The following NELL1 variants were observed in gnomAD, a reference collection of about 807,000 sequenced individuals.
The protein encoded by NELL1 is neural EGFL like 1, also known as protein kinase C-binding protein NELL1.
Under a neutral mutation model 107.4 loss-of-function variants are expected in NELL1, and 76 were observed. The ratio of observed to expected loss-of-function variants is 0.71; its 90% confidence interval spans 0.59 to 0.86. The LOEUF is 0.86. Among genes scored for constraint, NELL1 ranks in the 40% least tolerant of loss-of-function variants. The pLI, the probability that NELL1 is intolerant of heterozygous loss-of-function variation, is 0.00. For synonymous variants in NELL1, 353 were observed against 341.2 expected (o/e 1.03, Z -0.38); for missense variants, 1,024 against 1,005.5 (o/e 1.02, Z -0.25).
At chr11:20,945,913 T>G (rs1192892625) in intron 10 of NELL1, among the ~76,000 whole-genome samples, 2 of 152,138 alleles carry the variant, frequency 1.3e-5, no homozygotes, top group Non-Finnish European at 2.9e-5. Flanking sequence ...CAGGAGAAAG[T>G]TAAGAGTTAC....
At chr11:20,985,541 AG>A (rs1181536000) in intron 12 of NELL1, among the ~76,000 whole-genome samples, 1 of 152,184 alleles carries the variant, frequency 6.6e-6, no homozygotes, top group Non-Finnish European at 1.5e-5. Flanking sequence ...CAATGTGCAG[AG>A]TTGGGTATGG....
intron 12 of NELL1, among the ~76,000 whole-genome samples, chr11:21,080,583 T>A (rs890248235): frequency 4.6e-5 from 7 of 152,094 alleles, no homozygotes; most frequent in African/African-American, 1.7e-4. Flanking sequence ...AACAGATCAC[T>A]ATTGGTGAAT....
chr11:21,574,884 C>A, intron 19 of NELL1, 88 bp from the exon 20 acceptor site: 2 of 1,103,510 alleles, frequency 1.8e-6, no homozygotes, highest in Non-Finnish European at 1.4e-6. Flanking sequence ...TCTCAAAATG[C>A]TGAAAGTTGT....
intron 2 of NELL1, among the ~76,000 whole-genome samples, chr11:20,720,104 G>C (rs1262681180): frequency 3.9e-5 from 6 of 152,106 alleles, no homozygotes; most frequent in Non-Finnish European, 8.8e-5. Flanking sequence ...TTTATTGCTG[G>C]AGATGAGAAA....
intron 13 of NELL1, among the ~76,000 whole-genome samples, chr11:21,217,812 A>G (rs1857654406): frequency 6.6e-6 from 1 of 152,186 alleles, no homozygotes. Context: ...TAGCCACAGT[A>G]GAAATGTTTG....
rs548174465 is a variant in NELL1, at chr11:21,035,720, G to A, written c.1300+75160G>A. Among the ~76,000 whole-genome samples the A allele has an allele frequency of 3.4e-4, 52 of 152,160 alleles. 1 individual carries two copies. The highest frequency in any genetic ancestry group is 1.0e-3 in the African/African-American group (43 of 41,536). ...AAAAAGTCTCTATAAACTGGGTATCGAAGGAACATACTTCAAAATGATAGG... is the reference window on the plus strand; with the variant it reads ...AAAAAGTCTCTATAAACTGGGTATCAAAGGAACATACTTCAAAATGATAGG... On this transcript the variant is annotated intron_variant, in intron 12 of 19. Coordinates refer to ENST00000357134, the MANE Select transcript of NELL1 (RefSeq NM_006157.5).
At chr11:20,778,282 GA>G (rs1028978917) in intron 2 of NELL1, among the ~76,000 whole-genome samples, 4 of 152,148 alleles carry the variant, frequency 2.6e-5, no homozygotes, top group African/African-American at 9.7e-5. Flanking sequence ...CTCTAGGGCA[GA>G]AACTGTGTTT....
chr11:20,929,556 G>T (rs1462881404), intron 9 of NELL1, among the ~76,000 whole-genome samples: 2 of 152,036 alleles, frequency 1.3e-5, no homozygotes, highest in Non-Finnish European at 2.9e-5. Context: ...GTCATGTCTG[G>T]CAATATAGGC....
At chr11:20,847,510 G>A in intron 3 of NELL1, 73 bp from the exon 4 acceptor site, 1 of 1,456,520 alleles carries the variant, frequency 6.9e-7, no homozygotes, top group Admixed American at 2.0e-5. Context: ...CTGGTAGTAA[G>A]GGGTTGAGGG....
Position 21,170,031 on chromosome 11 carries a change from T to A in NELL1, c.1426+56317T>A. ...CACTCAGATGTGGACAGGGTTGTCA[T>A]CAGCACAGACCACATCCCTGAGCCT... On this transcript the variant is annotated intron_variant, in intron 13 of 19. Coordinates refer to ENST00000357134, the MANE Select transcript of NELL1 (RefSeq NM_006157.5). The A allele has an allele frequency of 2.5e-6, 3 of 1,194,392 alleles. No homozygotes were observed. The South Asian group carries it at 3.6e-5, about 14-fold the overall frequency. The allele number at this position is 1,194,392 out of a possible 1,614,324, so 74.0% of individuals were successfully genotyped here. A position where few individuals can be genotyped will look rare whatever the true frequency, so the allele number is the denominator to read the frequency against.
intron 2 of NELL1, among the ~76,000 whole-genome samples, chr11:20,777,936 C>G (rs1054931356): frequency 6.6e-6 from 1 of 152,092 alleles, no homozygotes; most frequent in Non-Finnish European, 1.5e-5. Flanking sequence ...AATGTGGTAC[C>G]CCTTGGCCAA....
chr11:20,931,913 C>A (rs550889447), intron 9 of NELL1, among the ~76,000 whole-genome samples: 168 of 151,966 alleles, frequency 1.1e-3, no homozygotes, highest in African/African-American at 4.0e-3. Flanking sequence ...AAAGGTAGGG[C>A]TATGACAAAG....
At chr11:21,357,818 T>C (rs986974750) in intron 14 of NELL1, among the ~76,000 whole-genome samples, 1 of 152,208 alleles carries the variant, frequency 6.6e-6, no homozygotes, top group African/African-American at 2.4e-5. Context: ...AGTTGATTTT[T>C]GTATAAGGTG....
chr11:21,374,612 A>G (rs1851428262), intron 15 of NELL1, among the ~76,000 whole-genome samples: 1 of 152,060 alleles, frequency 6.6e-6, no homozygotes, highest in Non-Finnish European at 1.5e-5. Flanking sequence ...CCTCTTAAAA[A>G]AACGATTGTC....
chr11:20,818,298 T>A (rs1055047694), intron 3 of NELL1, among the ~76,000 whole-genome samples: 7 of 152,154 alleles, frequency 4.6e-5, no homozygotes, highest in African/African-American at 1.7e-4. Context: ...TATAAGTAAG[T>A]CTTCCTGTTG....
intron 17 of NELL1, among the ~76,000 whole-genome samples, chr11:21,569,718 G>A (rs1253858202): frequency 6.6e-6 from 1 of 151,760 alleles, no homozygotes; most frequent in African/African-American, 2.4e-5. Context: ...GTAATGAGAA[G>A]TCTGATTTTT....
intron 13 of NELL1, among the ~76,000 whole-genome samples, chr11:21,225,515 A>C (rs140306542): frequency 6.6e-6 from 1 of 152,120 alleles, no homozygotes; most frequent in Non-Finnish European, 1.5e-5. Context: ...AAGTTTCTGT[A>C]CCCTAAAAGG....
intron 14 of NELL1, among the ~76,000 whole-genome samples, chr11:21,251,246 C>T (rs1858630046): frequency 6.6e-6 from 1 of 152,052 alleles, no homozygotes; most frequent in African/African-American, 2.4e-5. Context: ...ACCTGTATGA[C>T]AGTATGTGAT....
chr11:21,093,484 C>G (rs1456306879), intron 12 of NELL1, among the ~76,000 whole-genome samples: 1 of 152,152 alleles, frequency 6.6e-6, no homozygotes, highest in Non-Finnish European at 1.5e-5. Flanking sequence ...TTCGTCAGGC[C>G]TTTCATATTG....
Sources: gnomAD v4.1 joint callset for allele counts (sites outside exome capture counted in the v4.1 genomes callset) on GRCh38, gnomAD v4.1.1 for gene constraint, MANE v1.5 for transcripts, NCBI Gene and HGNC (gene_info 2026-07-23, HGNC 2026-07-21) for gene names.